The following VIPR2 variants were observed in gnomAD, a reference collection of about 807,000 sequenced individuals.
The protein encoded by VIPR2 is vasoactive intestinal polypeptide receptor 2.
Under a neutral mutation model 58.0 loss-of-function variants are expected in VIPR2, and 48 were observed. That is an observed-to-expected ratio of 0.83 (90% CI 0.66 to 1.05). VIPR2 has a LOEUF of 1.05. Ranked by LOEUF, VIPR2 falls within the 50% of genes least tolerant of loss-of-function variation. VIPR2 has a pLI of 0.00. For missense variants in VIPR2, 534 were observed against 558.0 expected, an observed-to-expected ratio of 0.96 and a Z score of 0.43; for synonymous variants, 243 against 235.2, an observed-to-expected ratio of 1.03 and a Z score of -0.30.
At chr7:159,117,550 G>A (rs1388271580) in intron 2 of VIPR2, 3 of 639,924 alleles carry the variant, frequency 4.7e-6, no homozygotes, top group African/African-American at 1.8e-5. Flanking sequence ...GTTGTCACCT[G>A]CACCATGCTT....
At chr7:159,110,056 T>C (rs1050509507) in intron 2 of VIPR2, 137 bp from the exon 3 acceptor site, 26 of 750,854 alleles carry the variant, frequency 3.5e-5, no homozygotes, top group Non-Finnish European at 5.0e-5. Flanking sequence ...ATTGAGACTA[T>C]AGTTAGCTTG....
At chr7:159,042,973 G>A (rs1282926265) in intron 6 of VIPR2, 62 bp downstream of exon 6, 1 of 1,564,172 alleles carries the variant, frequency 6.4e-7, no homozygotes, top group Non-Finnish European at 8.7e-7. Flanking sequence ...TCCTCATCGT[G>A]AGAAGAGGGA....
At chr7:159,035,823 C>T (rs907484141) in intron 8 of VIPR2, 129 bp downstream of exon 8, 14 of 1,443,996 alleles carry the variant, frequency 9.7e-6, no homozygotes, top group Middle Eastern at 2.1e-4. Context: ...ATGCTTCCTG[C>T]GTGGCTGTCG....
At chr7:159,116,052 C>G (rs1002469522) in intron 2 of VIPR2, among the ~76,000 whole-genome samples, 1 of 152,196 alleles carries the variant, frequency 6.6e-6, no homozygotes, top group Non-Finnish European at 1.5e-5. Context: ...TATGTGGCCC[C>G]GTGACCTGTG....
chr7:159,068,058 C>T (rs1012061944), intron 4 of VIPR2, among the ~76,000 whole-genome samples: 5 of 152,214 alleles, frequency 3.3e-5, no homozygotes, highest in East Asian at 1.9e-4. Flanking sequence ...CAGAAGTGAA[C>T]AGCAACCGGC....
At chr7:159,044,260 C>T (rs949546680) in intron 5 of VIPR2, among the ~76,000 whole-genome samples, 10 of 152,040 alleles carry the variant, frequency 6.6e-5, no homozygotes, top group East Asian at 1.9e-4. Flanking sequence ...GAGTCTTCAG[C>T]GACCAATAAA....
At chr7:159,055,006 A>G (rs952774743) in intron 5 of VIPR2, among the ~76,000 whole-genome samples, 2 of 152,238 alleles carry the variant, frequency 1.3e-5, no homozygotes, top group Non-Finnish European at 2.9e-5. Flanking sequence ...GCATCTGTGC[A>G]TGAGATGATG....
chr7:159,101,509 G>T (rs180698458), intron 4 of VIPR2, among the ~76,000 whole-genome samples: 1 of 107,500 alleles, frequency 9.3e-6, no homozygotes, highest in Non-Finnish European at 1.9e-5. Context: ...CGTTCCTGTG[G>T]TAGTGAACGG....
At chr7:159,134,364 CAG>C (rs1331849329) in intron 2 of VIPR2, among the ~76,000 whole-genome samples, 1 of 151,728 alleles carries the variant, frequency 6.6e-6, no homozygotes, top group South Asian at 2.1e-4. Flanking sequence ...ATGAAAAAAA[CAG>C]AGAAAGTATG....
At chr7:159,134,363 A>G (rs1402362735) in intron 2 of VIPR2, among the ~76,000 whole-genome samples, 2 of 152,256 alleles carry the variant, frequency 1.3e-5, no homozygotes, top group Admixed American at 1.3e-4. Flanking sequence ...TATGAAAAAA[A>G]CAGAGAAAGT....
chr7:159,075,336 C>T (rs930765563), intron 4 of VIPR2, among the ~76,000 whole-genome samples: 2 of 152,226 alleles, frequency 1.3e-5, no homozygotes, highest in Non-Finnish European at 2.9e-5. Flanking sequence ...AGGTAATTTA[C>T]TCAACCTAAC....
chr7:159,067,712 C>T (rs774420816), intron 4 of VIPR2, among the ~76,000 whole-genome samples: 4 of 152,208 alleles, frequency 2.6e-5, no homozygotes, highest in South Asian at 2.1e-4. Context: ...CAGGGAGTGG[C>T]TCGGTCACAG....
intron 4 of VIPR2, among the ~76,000 whole-genome samples, chr7:159,102,899 T>C (rs1463234830): frequency 6.6e-6 from 1 of 152,200 alleles, no homozygotes; most frequent in African/African-American, 2.4e-5. Flanking sequence ...GGGAGCACAC[T>C]CTGCACACAC....
rs1797012894 is a variant in VIPR2, at chr7:159,132,895, GACAGAATGATTGGCATACAGATTGATTTC to G, written c.151+9522_151+9550del. On this transcript the variant is annotated intron_variant, in intron 2 of 12. Coordinates refer to ENST00000262178, the MANE Select transcript of VIPR2 (RefSeq NM_003382.5). ...ATGATTGGCATACAGATTGATTTCA[GACAGAATGATTGGCATACAGATTGATTTC>G]AGACAGAATGATTGGCATACAGATT... 3.7e-4 allele frequency among the ~76,000 whole-genome samples: 51 copies of G among 138,568 alleles called. 2 individuals carry two copies. The highest frequency in any genetic ancestry group is 9.3e-4 in the African/African-American group (36 of 38,782). The allele number at this position is 138,568 out of a possible 152,430, so 90.9% of individuals were successfully genotyped here.
chr7:159,075,124 A>G (rs1856572703), intron 4 of VIPR2, among the ~76,000 whole-genome samples: 1 of 152,222 alleles, frequency 6.6e-6, no homozygotes, highest in Non-Finnish European at 1.5e-5. Context: ...ATGCTTTTGA[A>G]AAGTTTAGGA....
chr7:159,135,425 G>A (rs1797175738), intron 2 of VIPR2, among the ~76,000 whole-genome samples: 1 of 151,776 alleles, frequency 6.6e-6, no homozygotes. Flanking sequence ...GAGTGCGTGA[G>A]GCTCCGTTTC....
At chr7:159,143,138 A>G (rs1346565883) in intron 1 of VIPR2, among the ~76,000 whole-genome samples, 2 of 152,214 alleles carry the variant, frequency 1.3e-5, no homozygotes, top group Non-Finnish European at 2.9e-5. Flanking sequence ...CACAGAGAAG[A>G]GGGGGCGATT....
chr7:159,039,293 T>C (rs889998224), intron 6 of VIPR2, among the ~76,000 whole-genome samples: 12 of 150,884 alleles, frequency 8.0e-5, no homozygotes, highest in African/African-American at 2.9e-4. Context: ...ACCCCATCTC[T>C]ACTAAAAATA....
At chr7:159,050,518 C>T (rs1017662914) in intron 5 of VIPR2, among the ~76,000 whole-genome samples, 1 of 151,618 alleles carries the variant, frequency 6.6e-6, no homozygotes, top group African/African-American at 2.4e-5. Context: ...AAATTTAAAA[C>T]TTAAAAAACC....
Sources: allele counts gnomAD v4.1 joint callset (sites outside exome capture counted in the v4.1 genomes callset), GRCh38; gene constraint gnomAD v4.1.1; transcripts MANE v1.5; gene names NCBI Gene and HGNC (gene_info 2026-07-23, HGNC 2026-07-21).